PLLP: variants seen among roughly 807,000 people sequenced by gnomAD.
PLLP encodes plasma membrane proteolipid (plasmolipin).
PLLP carries 15 observed loss-of-function variants against 19.7 expected under a neutral mutation model. That is an observed-to-expected ratio of 0.76 (90% CI 0.51 to 1.17). The LOEUF is 1.17. Ranked by LOEUF, PLLP falls within the 50% of genes most tolerant of loss-of-function variation. The pLI is 0.00. For synonymous variants in PLLP, 111 were observed against 116.3 expected (o/e 0.95, Z 0.29); for missense variants, 255 against 258.3 (o/e 0.99, Z 0.09).
intron 1 of PLLP, among the ~76,000 whole-genome samples, chr16:57,274,715 A>G (rs1485110044): frequency 6.7e-6 from 1 of 150,278 alleles, no homozygotes; most frequent in East Asian, 2.0e-4. Flanking sequence ...GGCCTCCCAA[A>G]ATGCTGGGAT....
In PLLP at chr16:57,284,407, A is replaced by T; in HGVS notation, c.134T>A (p.Leu45Gln). ...CCGTGGGCCCGCGCGTGCTCTCACCAGCTGCAGCAGCATGAGCGCCCCGAG... is the reference window on the plus strand; with the variant it reads ...CCGTGGGCCCGCGCGTGCTCTCACCTGCTGCAGCAGCATGAGCGCCCCGAG... ...SRLGALMLLQ[L>Q]VLGLLVWALI... Residue 45 changes from leucine to glutamine, a missense_variant and splice_region_variant, in exon 1 of 4, where the codon CTG becomes CAG. By Grantham distance (113) the Leu-to-Gln change is moderately radical. Coordinates refer to ENST00000219207, the MANE Select transcript of PLLP (RefSeq NM_015993.3). The T allele has an allele frequency of 7.1e-7, 1 of 1,413,100 alleles. No individual in the cohort carries two copies. Among genetic ancestry groups the T allele is most frequent in the Non-Finnish European group, 9.2e-7 (1 of 1,082,240 alleles). 87.5% of individuals were successfully genotyped at this position (1,413,100 alleles called of 1,614,324 possible).
intron 1 of PLLP, among the ~76,000 whole-genome samples, chr16:57,273,832 T>C (rs890858720): frequency 1.2e-4 from 18 of 152,130 alleles, no homozygotes; most frequent in Admixed American, 3.3e-4. Flanking sequence ...CACTCATAGA[T>C]GGTTGGGAAA....
intron 1 of PLLP, among the ~76,000 whole-genome samples, chr16:57,272,446 C>G (rs756230432): frequency 6.6e-6 from 1 of 152,154 alleles, no homozygotes; most frequent in East Asian, 1.9e-4. Flanking sequence ...ATCCTTCCAT[C>G]GGCCCCTCCA....
chr16:57,277,006 T>C (rs1392375373), intron 1 of PLLP, among the ~76,000 whole-genome samples: 2 of 152,072 alleles, frequency 1.3e-5, no homozygotes, highest in African/African-American at 2.4e-5. Flanking sequence ...GCAATTGCAC[T>C]CCACACACTG....
Position 57,284,391 on chromosome 16 carries a change from C to T in PLLP, c.135+15G>A. The T allele has an allele frequency of 7.3e-7, 1 of 1,376,642 alleles. No homozygotes were observed. Among genetic ancestry groups the T allele is most frequent in the Non-Finnish European group, 9.4e-7 (1 of 1,062,750 alleles). The allele number at this position is 1,376,642 out of a possible 1,614,324, so 85.3% of individuals were successfully genotyped here. A position where few individuals can be genotyped will look rare whatever the true frequency, so the allele number is the denominator to read the frequency against. On this transcript the variant is annotated intron_variant, in intron 1 of 3. Transcript: ENST00000219207. ...GAGCCCCCGGCCAACCCCGTGGGCC[C>T]GCGCGTGCTCTCACCAGCTGCAGCA...
At chr16:57,270,041 T>C (rs2075469373) in intron 1 of PLLP, among the ~76,000 whole-genome samples, 1 of 152,162 alleles carries the variant, frequency 6.6e-6, no homozygotes, top group African/African-American at 2.4e-5. Flanking sequence ...AGTGCTGGCA[T>C]TACAGGCGTG....
intron 1 of PLLP, among the ~76,000 whole-genome samples, chr16:57,275,738 T>C (rs1004095791): frequency 2.0e-5 from 3 of 149,510 alleles, no homozygotes; most frequent in Admixed American, 1.3e-4. Flanking sequence ...CCAGAACTCC[T>C]AGCAGTTATT....
At chr16:57,271,365 C>T (rs941761997) in intron 1 of PLLP, among the ~76,000 whole-genome samples, 21 of 152,034 alleles carry the variant, frequency 1.4e-4, no homozygotes, top group African/African-American at 2.9e-4. Context: ...TCTTCCCACC[C>T]GGGCACGATG....
intron 2 of PLLP, 45 bp from the exon 3 acceptor site, chr16:57,258,629 A>C (rs745959845): frequency 6.2e-7 from 1 of 1,601,762 alleles, no homozygotes; most frequent in Non-Finnish European, 8.5e-7. Context: ...AAGGCTTAAG[A>C]CACAAAGAGA....
At chr16:57,273,472 G>A (rs1189893497) in intron 1 of PLLP, among the ~76,000 whole-genome samples, 1 of 152,106 alleles carries the variant, frequency 6.6e-6, no homozygotes, top group Non-Finnish European at 1.5e-5. Flanking sequence ...GTGAGACCCT[G>A]GGGTACCACC....
chr16:57,258,913 C>A (rs1357163706), intron 2 of PLLP, among the ~76,000 whole-genome samples: 1 of 102,740 alleles, frequency 9.7e-6, no homozygotes, highest in African/African-American at 4.1e-5. Context: ...ACAGTGAGAT[C>A]CTGTCTCAAA....
rs142042971 is a variant in PLLP, at chr16:57,270,425, G to A, written c.136-8355C>T. ...GGTCCCCGAGTCCTTCCCCAGCTCC[G>A]GCCTCTCTATTCCCACTGCTCCATC... On this transcript the variant is annotated intron_variant, in intron 1 of 3. Coordinates refer to ENST00000219207, the MANE Select transcript of PLLP (RefSeq NM_015993.3). 2.8e-3 allele frequency among the ~76,000 whole-genome samples: 417 copies of A among 148,774 alleles called. 2 individuals are homozygous for A. The highest frequency in any genetic ancestry group is 9.6e-3 in the African/African-American group (387 of 40,110).
At chr16:57,266,944 A>AG (rs1415443274) in intron 1 of PLLP, among the ~76,000 whole-genome samples, 1 of 149,910 alleles carries the variant, frequency 6.7e-6, no homozygotes, top group Non-Finnish European at 1.5e-5. Flanking sequence ...TGAAGACTAC[A>AG]GTGTCAAAAA....
intron 1 of PLLP, among the ~76,000 whole-genome samples, chr16:57,283,322 A>C (rs1045730694): frequency 3.9e-5 from 6 of 152,086 alleles, no homozygotes; most frequent in African/African-American, 1.4e-4. Context: ...ACCCAGGTAG[A>C]GGTGGGCCCG....
chr16:57,269,643 T>G (rs1414304170), intron 1 of PLLP, among the ~76,000 whole-genome samples: 1 of 152,042 alleles, frequency 6.6e-6, no homozygotes, highest in Non-Finnish European at 1.5e-5. Flanking sequence ...GGCTGGCAGG[T>G]CACAGGAATG....
At chr16:57,273,983 G>A (rs1170947109) in intron 1 of PLLP, among the ~76,000 whole-genome samples, 31 of 152,036 alleles carry the variant, frequency 2.0e-4, no homozygotes. Flanking sequence ...ATCCACGAAC[G>A]TGTACTATTT....
At chr16:57,274,450 TTTTG>T (rs1276138266) in intron 1 of PLLP, among the ~76,000 whole-genome samples, 2 of 152,162 alleles carry the variant, frequency 1.3e-5, no homozygotes, top group East Asian at 1.9e-4. Context: ...AAGAGTGTGG[TTTTG>T]TTTTTGTTTT....
Position 57,256,425 on chromosome 16 carries a change from G to T in PLLP, c.*488C>A, listed in dbSNP as rs1177428666. On this transcript the variant is annotated 3_prime_UTR_variant, in exon 4 of 4. Transcript: ENST00000219207. Reference sequence around the variant, plus strand: ...ACTTTTTACAGGTTGGCTCCAGGGAGAGGTTGGTTGAAACGGTGTTTAAAG... The same window carrying T: ...ACTTTTTACAGGTTGGCTCCAGGGATAGGTTGGTTGAAACGGTGTTTAAAG... 1 of 214,168 alleles carries T rather than the reference G, an allele frequency of 4.7e-6. No homozygotes were observed. The highest frequency in any genetic ancestry group is 2.3e-5 in the African/African-American group (1 of 43,984). 13.3% of individuals were successfully genotyped at this position (214,168 alleles called of 1,614,324 possible).
At chr16:57,273,209 G>A (rs999690628) in intron 1 of PLLP, among the ~76,000 whole-genome samples, 2 of 149,996 alleles carry the variant, frequency 1.3e-5, no homozygotes, top group Admixed American at 6.6e-5. Flanking sequence ...GCAGTGAGCC[G>A]AGATCATGCC....
Sources: allele counts gnomAD v4.1 joint callset (sites outside exome capture counted in the v4.1 genomes callset), GRCh38; gene constraint gnomAD v4.1.1; transcripts MANE v1.5; gene names NCBI Gene and HGNC (gene_info 2026-07-23, HGNC 2026-07-21).